RSL1D1: variants seen among roughly 807,000 people sequenced by gnomAD.
The protein encoded by RSL1D1 is ribosomal L1 domain-containing protein 1.
In RSL1D1, 34 loss-of-function variants were observed where a neutral mutation model predicts 44.6. That is an observed-to-expected ratio of 0.76 (90% CI 0.58 to 1.02). The LOEUF is 1.02. RSL1D1 is among the 50% of genes least tolerant of loss of function. The pLI is 0.00. For missense variants in RSL1D1, 767 were observed against 568.1 expected, an observed-to-expected ratio of 1.35 and a Z score of -3.56; for synonymous variants, 271 against 207.4, an observed-to-expected ratio of 1.31 and a Z score of -2.63.
chr16:11,840,253 A>G (rs2053755942), intron 7 of RSL1D1, among the ~76,000 whole-genome samples: 1 of 152,216 alleles, frequency 6.6e-6, no homozygotes, highest in Non-Finnish European at 1.5e-5. Context: ...TGTGAAACAC[A>G]GTATGGTTTA....
chr16:11,841,855 T>C (rs1445037621), intron 6 of RSL1D1, 35 bp from the exon 7 acceptor site: 3 of 1,612,428 alleles, frequency 1.9e-6, no homozygotes, highest in East Asian at 2.2e-5. Flanking sequence ...CGTCTACATA[T>C]ACTTTGTTTC....
Position 11,841,837 on chromosome 16 carries a change from A to C in RSL1D1, c.730-17T>G, listed in dbSNP as rs1289634369. ...CTCCCACTTCTGAAACAAAGAAAAG[A>C]GTAACATCGTCTACATATACTTTGT... is the stretch of plus-strand genomic sequence containing the variant. On this transcript the variant is annotated splice_polypyrimidine_tract_variant and intron_variant, in intron 6 of 8. Coordinates refer to ENST00000571133, the MANE Select transcript of RSL1D1 (RefSeq NM_015659.3). The C allele has an allele frequency of 2.5e-6, 4 of 1,610,388 alleles. No homozygotes were observed. Among genetic ancestry groups the C allele is most frequent in the Non-Finnish European group, 3.4e-6 (4 of 1,177,484 alleles).
chr16:11,837,750 G>A lies in RSL1D1; in HGVS notation c.*37C>T, dbSNP rs2053732151. 1 of 1,523,808 alleles carries A rather than the reference G, an allele frequency of 6.6e-7. No individual in the cohort carries two copies. The highest frequency in any genetic ancestry group is 8.9e-7 in the Non-Finnish European group (1 of 1,118,816). 94.4% of individuals were successfully genotyped at this position (1,523,808 alleles called of 1,614,324 possible). On this transcript the variant is annotated 3_prime_UTR_variant, in exon 9 of 9. Transcript: ENST00000571133. ...TGAGTATTTCCAAAAAGCTCTGGAGGCAGCATTGAGGTTTCCTTCCAGTTG... is the reference window on the plus strand; with the variant it reads ...TGAGTATTTCCAAAAAGCTCTGGAGACAGCATTGAGGTTTCCTTCCAGTTG...
rs769029848 is a variant in RSL1D1 at position 11,851,539 on chromosome 16, G to C, written c.-27C>G. 7.5e-6 allele frequency: 12 copies of C among 1,604,954 alleles called. No homozygotes were observed. In the South Asian group the frequency reaches 7.7e-5, roughly 10 times the overall value. On this transcript the variant is annotated 5_prime_UTR_variant, in exon 1 of 9. Transcript: ENST00000571133. ...TTGTTTCCACCTCGTGAAGAGGCGC[G>C]TGTGCAACCCCACTGCTGGCTTCTG... is the stretch of plus-strand genomic sequence containing the variant.
At chr16:11,840,029 G>C (rs1324940458) in intron 7 of RSL1D1, 44 bp from the exon 8 acceptor site, 1 of 1,591,194 alleles carries the variant, frequency 6.3e-7, no homozygotes, top group Non-Finnish European at 8.5e-7. Flanking sequence ...GAACAGTTCT[G>C]TTGGTTAACA....
chr16:11,847,002 G>A (rs28594222), intron 3 of RSL1D1, among the ~76,000 whole-genome samples, 159 bp from the exon 4 acceptor site: 9,305 of 152,152 alleles, frequency 0.061, 545 homozygotes, highest in East Asian at 0.16. Context: ...CAGGCACTAC[G>A]CTACATGCTG....
At chr16:11,838,522 G>T (rs575103909) in intron 8 of RSL1D1, among the ~76,000 whole-genome samples, 3 of 151,978 alleles carry the variant, frequency 2.0e-5, no homozygotes, top group African/African-American at 7.2e-5. Context: ...CCCCCAAAAG[G>T]TACACCTCAG....
chr16:11,849,824 C>G (rs1347969712), intron 2 of RSL1D1, among the ~76,000 whole-genome samples: 1 of 152,156 alleles, frequency 6.6e-6, no homozygotes, highest in Non-Finnish European at 1.5e-5. Context: ...TTTAGCACAT[C>G]TGAATTTCTA....
chr16:11,849,546 T>G (rs1172556329), intron 2 of RSL1D1, among the ~76,000 whole-genome samples: 1 of 152,208 alleles, frequency 6.6e-6, no homozygotes, highest in East Asian at 1.9e-4. Context: ...TGAAGAAGCA[T>G]TCTGTATAAT....
rs374380969 is a variant in RSL1D1, at chr16:11,847,768, A to G, written c.284T>C (p.Ile95Thr). 43 of 1,613,412 alleles carry G rather than the reference A, an allele frequency of 2.7e-5. No individual in the cohort carries two copies. Among genetic ancestry groups the G allele is most frequent in the African/African-American group, 1.3e-4 (10 of 74,936 alleles). Residue 95 changes from isoleucine to threonine, a missense_variant, in exon 3 of 9, where the codon ATC becomes ACC. By Grantham distance (89) the Ile-to-Thr change is moderately conservative. Coordinates refer to ENST00000571133, the MANE Select transcript of RSL1D1 (RefSeq NM_015659.3). ...PHSIRSDSED[I>T]CLFTKDEPNS... The stretch of plus-strand genomic sequence containing the variant: ...GGGTTCATCCTTCGTAAATAAACAG[A>G]TATCTTCTGAATCTGATCGAATACT...
chr16:11,839,692 T>C lies in RSL1D1; in HGVS notation c.1146+3A>G, dbSNP rs776437471. On this transcript the variant is annotated splice_donor_region_variant and intron_variant, in intron 8 of 8. Coordinates refer to ENST00000571133, the MANE Select transcript of RSL1D1 (RefSeq NM_015659.3). ...TTATGAACAGTAAATATTAAAACAA[T>C]ACCTCTACTTTTTCATTAGCTGGAG... 7 of 1,613,430 alleles carry C rather than the reference T, an allele frequency of 4.3e-6. No individual in the cohort carries two copies. The African/African-American group carries it at 9.4e-5, about 22-fold the overall frequency.
intron 1 of RSL1D1, 90 bp downstream of exon 1, chr16:11,851,318 C>T: frequency 1.6e-6 from 2 of 1,238,790 alleles, no homozygotes; most frequent in Non-Finnish European, 1.2e-6. Context: ...CGGGGAAGTC[C>T]GCCGAGCACG....
At chr16:11,840,600 T>G (rs1015994273) in intron 7 of RSL1D1, among the ~76,000 whole-genome samples, 1 of 152,122 alleles carries the variant, frequency 6.6e-6, no homozygotes, top group Non-Finnish European at 1.5e-5. Flanking sequence ...TGGACACAAT[T>G]AACATGGCTA....
chr16:11,850,171 T>C (rs538858731), intron 2 of RSL1D1, 108 bp downstream of exon 2: 3 of 1,119,496 alleles, frequency 2.7e-6, no homozygotes, highest in African/African-American at 3.2e-5. Flanking sequence ...ACGTCAGATT[T>C]TTATTATAAG....
rs1488231971 is a variant in RSL1D1, at chr16:11,850,317, T to G, written c.207A>C (p.Val69=). Residue 69 remains valine (V), a synonymous_variant, in exon 2 of 9, where the codon GTA becomes GTC. Coordinates refer to ENST00000571133, the MANE Select transcript of RSL1D1 (RefSeq NM_015659.3). ...GTTCTTTACTTGGAATTTTCCATAATACCACCATTAAAAATAAACTTTCAT... is the reference window on the plus strand; with the variant it reads ...GTTCTTTACTTGGAATTTTCCATAAGACCACCATTAAAAATAAACTTTCAT... ...NENESLFLMV[V]LWKIPSKELR... is the part of the protein sequence containing the mutation. 1.3e-6 allele frequency: 2 copies of G among 1,592,410 alleles called. No homozygotes were observed. Among genetic ancestry groups the G allele is most frequent in the Admixed American group, 3.8e-5 (2 of 52,230 alleles).
chr16:11,840,144 C>T (rs1196349198), intron 7 of RSL1D1, among the ~76,000 whole-genome samples, 159 bp from the exon 8 acceptor site: 8 of 152,180 alleles, frequency 5.3e-5, no homozygotes, highest in African/African-American at 1.7e-4. Context: ...GAACCTCAAC[C>T]GCAGTTTTTG....
intron 7 of RSL1D1, chr16:11,841,381 C>T (rs757134168): frequency 4.5e-5 from 11 of 245,438 alleles, no homozygotes; most frequent in Non-Finnish European, 7.2e-5. Flanking sequence ...GTGCTCCAGC[C>T]TGGGGGACAG....
chr16:11,839,111 A>AT (rs2053744091), intron 8 of RSL1D1, among the ~76,000 whole-genome samples: 1 of 152,054 alleles, frequency 6.6e-6, no homozygotes, highest in Admixed American at 6.6e-5. Flanking sequence ...CATGCCTGTA[A>AT]TCCCAGCACT....
chr16:11,838,480 C>T (rs1489075019), intron 8 of RSL1D1, among the ~76,000 whole-genome samples: 1 of 152,068 alleles, frequency 6.6e-6, no homozygotes, highest in Non-Finnish European at 1.5e-5. Context: ...TGTTTTTCAG[C>T]GCATGGCCAA....
Sources: gnomAD v4.1 joint callset for allele counts (sites outside exome capture counted in the v4.1 genomes callset) on GRCh38, gnomAD v4.1.1 for gene constraint, MANE v1.5 for transcripts, NCBI Gene and HGNC (gene_info 2026-07-23, HGNC 2026-07-21) for gene names.